Variants in CSK observed in about 807,000 individuals in gnomAD.
The protein encoded by CSK is tyrosine-protein kinase CSK.
Under a neutral mutation model 62.3 loss-of-function variants are expected in CSK, and 7 were observed. The observed-to-expected ratio is 0.11, with a 90% CI of 0.06 to 0.21. CSK has a LOEUF of 0.21. Among genes scored for constraint, CSK ranks in the 10% least tolerant of loss-of-function variants. The pLI, the probability that CSK is intolerant of heterozygous loss-of-function variation, is 1.00. For missense variants in CSK, 294 were observed against 613.5 expected (o/e 0.48, Z 5.50); for synonymous variants, 237 against 246.0 (o/e 0.96, Z 0.34).
Position 74,801,756 on chromosome 15 carries a change from G to T in CSK, c.949G>T (p.Ala317Ser). 1 of 1,614,080 alleles carries T rather than the reference G, an allele frequency of 6.2e-7. No homozygotes were observed. Among genetic ancestry groups the T allele is most frequent in the Non-Finnish European group, 8.5e-7 (1 of 1,180,010 alleles). ...GNNFVHRDLAARNVLVSEDNV... is the reference protein window; with the variant it reads ...GNNFVHRDLASRNVLVSEDNV... ...CAATTTCGTGCATCGAGACCTGGCT[G>T]CCCGCAATGTGCTGGTGTCTGAGGA... Residue 317 changes from alanine (A) to serine (S), a missense_variant, in exon 11 of 13, where the codon GCC becomes TCC. Ala to Ser is a moderately conservative substitution (Grantham distance 99). Coordinates refer to ENST00000220003, the MANE Select transcript of CSK (RefSeq NM_004383.3).
chr15:74,798,429 C>A lies in CSK; in HGVS notation c.15+117C>A. 7.2e-7 allele frequency: 1 copy of A among 1,380,842 alleles called. No homozygotes were observed. Among genetic ancestry groups the A allele is most frequent in the Non-Finnish European group, 1.0e-6 (1 of 991,810 alleles). 85.5% of individuals were successfully genotyped at this position (1,380,842 alleles called of 1,614,324 possible). On this transcript the variant is annotated intron_variant, in intron 2 of 12. Coordinates refer to ENST00000220003, the MANE Select transcript of CSK (RefSeq NM_004383.3). This position sits in a 1 kb window ranked among gnomAD's most constrained non-coding sequence, Gnocchi z 6.6. ...ACCCACTCCCCTTTTTCCCAGCACT[C>A]AGTCAGGTACAGGCCTGGGGAAGTG...
At chr15:74,795,382 G>C (rs2063689288) in intron 1 of CSK, among the ~76,000 whole-genome samples, 1 of 152,096 alleles carries the variant, frequency 6.6e-6, no homozygotes, top group Admixed American at 6.6e-5. Flanking sequence ...CTTCCACTGG[G>C]GTAGGTAGCA....
At chr15:74,800,319 C>T in intron 5 of CSK, 93 bp from the exon 6 acceptor site, 1 of 1,104,322 alleles carries the variant, frequency 9.1e-7, no homozygotes, top group Non-Finnish European at 1.4e-6. Context: ...CTAGGCGGGG[C>T]TGGCCTCTGC....
chr15:74,802,009 A>G lies in CSK; in HGVS notation c.1096A>G (p.Lys366Glu). 1 of 1,613,928 alleles carries G rather than the reference A, an allele frequency of 6.2e-7. No individual in the cohort carries two copies. Among genetic ancestry groups the G allele is most frequent in the Non-Finnish European group, 8.5e-7 (1 of 1,179,920 alleles). ...ATCCACATGGCAGAAATTCTCCACTAAGTCTGACGTGTGGAGTTTCGGAAT... is the reference window on the plus strand; with the variant it reads ...ATCCACATGGCAGAAATTCTCCACTGAGTCTGACGTGTGGAGTTTCGGAAT... ...EALREKKFST[K>E]SDVWSFGILL... The change falls in exon 12 of 13, where the codon AAG becomes GAG. Residue 366 changes from lysine to glutamate, a missense_variant. Coordinates refer to ENST00000220003, the MANE Select transcript of CSK (RefSeq NM_004383.3).
intron 1 of CSK, among the ~76,000 whole-genome samples, chr15:74,786,013 T>TTTTTTGTGTGTGTG: frequency 6.3e-5 from 3 of 47,836 alleles, no homozygotes; most frequent in African/African-American, 1.3e-4. Context: ...TTTTTTTTTT[T>TTTTTTGTGTGTGTG]TGTGTGTGTG....
intron 1 of CSK, among the ~76,000 whole-genome samples, chr15:74,796,384 G>A (rs1471476958): frequency 6.6e-6 from 1 of 152,108 alleles, no homozygotes; most frequent in Non-Finnish European, 1.5e-5. Context: ...GGTGGAGGCG[G>A]AGGAGGTGGA....
intron 1 of CSK, among the ~76,000 whole-genome samples, chr15:74,796,282 G>A (rs528111997): frequency 3.9e-5 from 6 of 151,990 alleles, no homozygotes; most frequent in African/African-American, 7.2e-5. Flanking sequence ...TCTTTAAGTC[G>A]AAGGGGATCA....
intron 7 of CSK, 28 bp downstream of exon 7, chr15:74,800,774 G>C: frequency 1.3e-6 from 2 of 1,587,418 alleles, no homozygotes; most frequent in Non-Finnish European, 1.7e-6. Context: ...CCCTGGGGGG[G>C]TTCTGAGGGA....
chr15:74,794,844 A>G (rs4886626), intron 1 of CSK, among the ~76,000 whole-genome samples: 1 of 151,910 alleles, frequency 6.6e-6, no homozygotes, highest in African/African-American at 2.4e-5. Flanking sequence ...CCATGATCAC[A>G]TGCCCCCCTG....
At chr15:74,787,970 G>T (rs1264568988) in intron 1 of CSK, among the ~76,000 whole-genome samples, 1 of 152,208 alleles carries the variant, frequency 6.6e-6, no homozygotes. Context: ...GGGTAGAGGA[G>T]ACGAGGAGTC....
intron 1 of CSK, among the ~76,000 whole-genome samples, chr15:74,796,770 G>A (rs1159290310): frequency 6.6e-6 from 1 of 152,106 alleles, no homozygotes; most frequent in Non-Finnish European, 1.5e-5. Context: ...CAGACAGTCT[G>A]AAAACCAACC....
intron 9 of CSK, 25 bp from the exon 10 acceptor site, chr15:74,801,497 C>T: frequency 6.2e-7 from 1 of 1,603,734 alleles, no homozygotes; most frequent in Non-Finnish European, 8.5e-7. Flanking sequence ...CTGACCTCGG[C>T]CTGGTCTGTC....
At chr15:74,789,212 C>T (rs541795373) in intron 1 of CSK, among the ~76,000 whole-genome samples, 6 of 152,306 alleles carry the variant, frequency 3.9e-5, no homozygotes, top group Admixed American at 6.5e-5. Context: ...ACGGGAGCCC[C>T]GGGATGGGGG....
rs111925049 is a variant in CSK at position 74,794,108 on chromosome 15, C to T, written c.-65-4125C>T. Among the ~76,000 whole-genome samples, 193 of 140,970 alleles carry T rather than the reference C, an allele frequency of 1.4e-3. 1 individual carries two copies. The highest frequency in any genetic ancestry group is 4.6e-3 in the African/African-American group (170 of 37,148). The allele number at this position is 140,970 out of a possible 152,430, so 92.5% of individuals were successfully genotyped here. ...CCTTCCCTCCCCGCCACCCCCACCC[C>T]CACAGCTTACAGTCCACAGGAGGCA... On this transcript the variant is annotated intron_variant, in intron 1 of 12. Transcript: ENST00000220003.
At chr15:74,789,272 A>G (rs564121513) in intron 1 of CSK, among the ~76,000 whole-genome samples, 2 of 152,242 alleles carry the variant, frequency 1.3e-5, no homozygotes, top group East Asian at 3.9e-4. Context: ...GTTCCTTCGT[A>G]ACCGCCCCGG....
chr15:74,802,264 G>GGCT (rs1005570507), intron 12 of CSK, 67 bp from the exon 13 acceptor site: 5 of 1,492,874 alleles, frequency 3.3e-6, no homozygotes, highest in Non-Finnish European at 4.5e-6. Context: ...ATCCCTGAGA[G>GGCT]GCTGCTGGGT....
At position 74,800,931 on chromosome 15, in the gene CSK, G is replaced by A; in HGVS notation, c.722+9G>A. 1.2e-6 allele frequency: 2 copies of A among 1,612,908 alleles called. No individual in the cohort carries two copies. The highest frequency in any genetic ancestry group is 1.7e-6 in the Non-Finnish European group (2 of 1,179,980). On this transcript the variant is annotated intron_variant, in intron 8 of 12. Transcript: ENST00000220003. ...GAAGCCTCAGTCATGACGTGAGTGGGGGCGGGGTAGGGGGGAGGTTGGCCT... is the reference window on the plus strand; with the variant it reads ...GAAGCCTCAGTCATGACGTGAGTGGAGGCGGGGTAGGGGGGAGGTTGGCCT...
chr15:74,799,612 C>G lies in CSK; in HGVS notation c.462+121C>G, dbSNP rs142344017. 80 of 1,015,154 alleles carry G rather than the reference C, an allele frequency of 7.9e-5. No individual in the cohort carries two copies. The African/African-American group carries it at 1.2e-3, about 15-fold the overall frequency. The allele number at this position is 1,015,154 out of a possible 1,614,324, so 62.9% of individuals were successfully genotyped here. A position where few individuals can be genotyped will look rare whatever the true frequency, so the allele number is the denominator to read the frequency against. ...GGTGACCAGCCATGTGGGGCAACTT[C>G]TGTGAGCCCTTGTTTCCTCACACCT... is the stretch of plus-strand genomic sequence containing the variant. On this transcript the variant is annotated intron_variant, in intron 5 of 12. Transcript: ENST00000220003.
At chr15:74,802,218 C>A in intron 12 of CSK, 113 bp from the exon 13 acceptor site, 1 of 1,393,812 alleles carries the variant, frequency 7.2e-7, no homozygotes, top group Admixed American at 2.2e-5. Flanking sequence ...TCACAGGCCA[C>A]TCTCCGGGCC....
Sources: gnomAD v4.1 joint callset for allele counts (sites outside exome capture counted in the v4.1 genomes callset) on GRCh38, gnomAD v4.1.1 for gene constraint, Gnocchi (gnomAD v3.1) non-coding constraint, MANE v1.5 for transcripts, NCBI Gene and HGNC (gene_info 2026-07-23, HGNC 2026-07-21) for gene names.